Variants in SERPINE2 observed in about 807,000 individuals in gnomAD.
The protein encoded by SERPINE2 is serpin family E member 2.
In SERPINE2, 14 loss-of-function variants were observed where a neutral mutation model predicts 36.3. That is an observed-to-expected ratio of 0.39 (90% CI 0.25 to 0.60). SERPINE2 has a LOEUF of 0.60. Among genes scored for constraint, SERPINE2 ranks in the 20% least tolerant of loss-of-function variants. The probability of loss-of-function intolerance (pLI) is 0.57; values close to 1 mark genes in which losing one functional copy is unlikely to be tolerated. For missense variants in SERPINE2, 418 were observed against 499.6 expected, an observed-to-expected ratio of 0.84 and a Z score of 1.56; for synonymous variants, 192 against 191.8, an observed-to-expected ratio of 1.00 and a Z score of -0.01.
At chr2:224,029,192 T>G (rs963647720) in intron 1 of SERPINE2, among the ~76,000 whole-genome samples, 3 of 152,208 alleles carry the variant, frequency 2.0e-5, no homozygotes, top group Non-Finnish European at 4.4e-5. Context: ...ATAATAGGAT[T>G]CTTTTAGTAT....
chr2:224,001,589 G>C lies in SERPINE2; in HGVS notation c.259+53C>G. 5.7e-6 allele frequency: 9 copies of C among 1,569,038 alleles called. No individual in the cohort carries two copies. The South Asian group carries it at 9.3e-5, about 16-fold the overall frequency. On this transcript the variant is annotated intron_variant, in intron 2 of 8. Coordinates refer to ENST00000409304, the MANE Select transcript of SERPINE2 (RefSeq NM_001136528.2). ...CAAAAACCAAGCCATAAACCCTCCT[G>C]TCACAAGACTCTCAGGCAAAGGCTC...
At chr2:223,997,431 G>A (rs1330513195) in intron 3 of SERPINE2, among the ~76,000 whole-genome samples, 1 of 152,148 alleles carries the variant, frequency 6.6e-6, no homozygotes, top group Non-Finnish European at 1.5e-5. Context: ...TGTTGGCCAG[G>A]CTGGTCTCGA....
At chr2:224,019,770 A>ATTTTTTTTTTTTT (rs1261601893) in intron 1 of SERPINE2, among the ~76,000 whole-genome samples, 1 of 129,286 alleles carries the variant, frequency 7.7e-6, no homozygotes, top group Non-Finnish European at 1.6e-5. Flanking sequence ...TTTTTTAAAA[A>ATTTTTTTTTTTTT]AAAAAAAAGA....
At chr2:224,013,362 A>G (rs1866152) in intron 1 of SERPINE2, among the ~76,000 whole-genome samples, 121,610 of 152,024 alleles carry the variant, frequency 0.8, 49,780 homozygotes, top group Non-Finnish European at 0.9. Flanking sequence ...CAGACAGGAC[A>G]GGCCCTCCTT....
intron 4 of SERPINE2, among the ~76,000 whole-genome samples, chr2:223,988,704 G>A (rs1690531853): frequency 6.6e-6 from 1 of 151,944 alleles, no homozygotes; most frequent in African/African-American, 2.4e-5. Context: ...TCCTATCCCA[G>A]GAAATTACCT....
intron 1 of SERPINE2, among the ~76,000 whole-genome samples, chr2:224,026,331 C>T (rs897921035): frequency 2.0e-5 from 3 of 152,226 alleles, no homozygotes; most frequent in Non-Finnish European, 4.4e-5. Flanking sequence ...ACTAATTCAA[C>T]GTTCAATATC....
chr2:224,020,731 C>A (rs542270463), intron 1 of SERPINE2, among the ~76,000 whole-genome samples: 2 of 152,118 alleles, frequency 1.3e-5, no homozygotes, highest in African/African-American at 4.8e-5. Context: ...ACAGCCACAC[C>A]GAACATATTT....
At chr2:223,990,265 C>T (rs1306369075) in intron 4 of SERPINE2, among the ~76,000 whole-genome samples, 1 of 152,142 alleles carries the variant, frequency 6.6e-6, no homozygotes, top group East Asian at 1.9e-4. Flanking sequence ...GATACCAACA[C>T]ACTGTGGGGG....
intron 7 of SERPINE2, chr2:223,977,847 C>T (rs1333100602): frequency 4.0e-6 from 2 of 496,858 alleles, no homozygotes; most frequent in Non-Finnish European, 7.3e-6. Context: ...ATGTCTTCTA[C>T]ACAAGCACCA....
At chr2:223,991,492 A>G (rs1163531665) in intron 4 of SERPINE2, among the ~76,000 whole-genome samples, 2 of 152,224 alleles carry the variant, frequency 1.3e-5, no homozygotes, top group East Asian at 3.8e-4. Flanking sequence ...ATGCTCACTT[A>G]TACTCATTTC....
Position 223,982,717 on chromosome 2 carries a change from A to G in SERPINE2, c.949T>C (p.Phe317Leu). The G allele has an allele frequency of 6.2e-7, 1 of 1,613,870 alleles. No individual in the cohort carries two copies. Among genetic ancestry groups the G allele is most frequent in the Non-Finnish European group, 8.5e-7 (1 of 1,179,902 alleles). ...PLKVLGITDM[F>L]DSSKANFAKI... ...GCAAAATTTGCCTTTGATGAATCAA[A>G]CATGTCAGTAATGCCAAGAACTTTC... Residue 317 changes from phenylalanine to leucine, a missense_variant, in exon 6 of 9, where the codon TTT becomes CTT. By Grantham distance (22) the Phe-to-Leu change is conservative. Transcript: ENST00000409304.
intron 1 of SERPINE2, among the ~76,000 whole-genome samples, chr2:224,006,751 A>G (rs936529006): frequency 6.6e-5 from 10 of 152,220 alleles, no homozygotes; most frequent in Admixed American, 1.3e-4. Flanking sequence ...ATTTTTAGCA[A>G]CTAAAAGTCA....
chr2:224,005,095 AT>A (rs1205729123), intron 1 of SERPINE2, among the ~76,000 whole-genome samples: 3 of 131,498 alleles, frequency 2.3e-5, no homozygotes, highest in African/African-American at 9.0e-5. Context: ...ATATATATAT[AT>A]AAAACATTGT....
chr2:224,008,417 T>C (rs1469330878), intron 1 of SERPINE2, among the ~76,000 whole-genome samples: 5 of 152,218 alleles, frequency 3.3e-5, no homozygotes, highest in Non-Finnish European at 7.3e-5. Context: ...ATTTCCCATA[T>C]CCAACAGTTT....
intron 1 of SERPINE2, among the ~76,000 whole-genome samples, chr2:224,015,001 C>T (rs720634): frequency 0.13 from 19,028 of 151,216 alleles, 1,324 homozygotes; most frequent in Middle Eastern, 0.19. Context: ...TGGTTTTCAC[C>T]ACTAGGTGGG....
At chr2:224,031,233 G>A (rs937634432) in intron 1 of SERPINE2, 1 of 975,844 alleles carries the variant, frequency 1.0e-6, no homozygotes. Flanking sequence ...TTCACAGGGT[G>A]TGCCACTTTG....
At chr2:224,035,139 A>G (rs1692491669) in intron 1 of SERPINE2, among the ~76,000 whole-genome samples, 1 of 152,152 alleles carries the variant, frequency 6.6e-6, no homozygotes. Flanking sequence ...GAAGGGATGC[A>G]ACATGAGGTG....
intron 1 of SERPINE2, among the ~76,000 whole-genome samples, chr2:224,004,713 C>T (rs556552172): frequency 6.6e-6 from 1 of 151,896 alleles, no homozygotes; most frequent in Non-Finnish European, 1.5e-5. Flanking sequence ...TAATATAGCA[C>T]AAAGTCATCA....
chr2:224,021,755 G>A (rs1450632904), intron 1 of SERPINE2, among the ~76,000 whole-genome samples: 1 of 152,230 alleles, frequency 6.6e-6, no homozygotes, highest in African/African-American at 2.4e-5. Flanking sequence ...GGCGGGTACA[G>A]TGGATCACAC....
Sources: allele counts gnomAD v4.1 joint callset (sites outside exome capture counted in the v4.1 genomes callset), GRCh38; gene constraint gnomAD v4.1.1; transcripts MANE v1.5; gene names NCBI Gene and HGNC (gene_info 2026-07-23, HGNC 2026-07-21).